HEXA: variants seen among roughly 807,000 people sequenced by gnomAD.
HEXA encodes the protein hexosaminidase subunit alpha.
Under a neutral mutation model 73.3 loss-of-function variants are expected in HEXA, and 54 were observed. The ratio of observed to expected loss-of-function variants is 0.74; its 90% confidence interval spans 0.59 to 0.92. The LOEUF is 0.92. HEXA is among the 40% of genes least tolerant of loss of function. The pLI is 0.00. For missense variants in HEXA, 649 were observed against 653.0 expected (o/e 0.99, Z 0.07); for synonymous variants, 230 against 246.9 (o/e 0.93, Z 0.64).
At chr15:72,364,818 ATTT>A (rs762688276) in intron 1 of HEXA, among the ~76,000 whole-genome samples, 2 of 133,108 alleles carry the variant, frequency 1.5e-5, no homozygotes, top group African/African-American at 2.8e-5. Flanking sequence ...TTTTAATTTA[ATTT>A]TTTTTTTTTT....
chr15:72,347,989 A>T, intron 9 of HEXA, 59 bp downstream of exon 9: 1 of 1,220,598 alleles, frequency 8.2e-7, no homozygotes. Flanking sequence ...CGGTATGGAA[A>T]GGGAGGACCC....
At chr15:72,348,926 G>A (rs1396867789) in intron 8 of HEXA, among the ~76,000 whole-genome samples, 153 bp downstream of exon 8, 5 of 152,298 alleles carry the variant, frequency 3.3e-5, no homozygotes, top group Admixed American at 6.5e-5. Context: ...GGATCTCTAC[G>A]TAGATGGGCA....
chr15:72,359,083 G>A (rs766293338), intron 1 of HEXA: 1 of 152,232 alleles, frequency 6.6e-6, no homozygotes, highest in African/African-American at 2.4e-5. Context: ...CAGGGCTTAG[G>A]AGGTAGCATG....
chr15:72,350,780 T>A, intron 6 of HEXA, 130 bp from the exon 7 acceptor site: 1 of 978,426 alleles, frequency 1.0e-6, no homozygotes, highest in Non-Finnish European at 1.6e-6. Context: ...TCAGGGACTA[T>A]CTTCAAAAAA....
chr15:72,375,214 G>A lies in HEXA; in HGVS notation c.253+506C>T, dbSNP rs2089045649. 2.6e-5 allele frequency among the ~76,000 whole-genome samples: 4 copies of A among 151,722 alleles called. No individual in the cohort carries two copies. In the South Asian group the frequency reaches 8.3e-4, roughly 32 times the overall value. On this transcript the variant is annotated intron_variant, in intron 1 of 13. Coordinates refer to ENST00000268097, the MANE Select transcript of HEXA (RefSeq NM_000520.6). Reference sequence around the variant, plus strand: ...ACCGATTCTCCTGCCTCAGCATCCCGAGTAGCTGGGACTACAGGCGCGCGC... The same window carrying A: ...ACCGATTCTCCTGCCTCAGCATCCCAAGTAGCTGGGACTACAGGCGCGCGC...
At chr15:72,345,691 C>T in intron 12 of HEXA, 141 bp from the exon 13 acceptor site, 2 of 1,437,194 alleles carry the variant, frequency 1.4e-6, no homozygotes, top group Non-Finnish European at 1.9e-6. Flanking sequence ...TTATGAGCCA[C>T]AGCCAGGTTG....
chr15:72,370,362 C>A (rs978362332), intron 1 of HEXA: 4 of 348,556 alleles, frequency 1.1e-5, no homozygotes, highest in African/African-American at 6.3e-5. Context: ...AGTTTAGCTT[C>A]TTGGACTCAG....
chr15:72,367,990 C>T (rs1196602695), intron 1 of HEXA, among the ~76,000 whole-genome samples: 2 of 152,000 alleles, frequency 1.3e-5, no homozygotes, highest in Non-Finnish European at 2.9e-5. Context: ...ATATCACACT[C>T]TGTCTGTATC....
intron 1 of HEXA, among the ~76,000 whole-genome samples, chr15:72,371,591 GAAAAAAAAA>G (rs11299619): frequency 1.6e-5 from 2 of 121,986 alleles, no homozygotes; most frequent in African/African-American, 3.8e-5. Flanking sequence ...GTCTCTAAAA[GAAAAAAAAA>G]AAAAAAAAAA....
chr15:72,360,690 A>T (rs1595806600), intron 1 of HEXA, among the ~76,000 whole-genome samples: 1 of 152,322 alleles, frequency 6.6e-6, no homozygotes, highest in African/African-American at 2.4e-5. Context: ...GAGGAAATGT[A>T]GCCTGGGCAG....
chr15:72,370,820 C>G (rs1184307710), intron 1 of HEXA: 1 of 391,634 alleles, frequency 2.6e-6, no homozygotes, highest in African/African-American at 2.1e-5. Context: ...ACTTATTTTG[C>G]CCTTCAACTA....
chr15:72,353,596 G>A, intron 4 of HEXA, 95 bp downstream of exon 4: 2 of 936,790 alleles, frequency 2.1e-6, no homozygotes, highest in South Asian at 1.3e-5. Context: ...AAGCCACCAG[G>A]ATCCTAAGGC....
At chr15:72,345,229 T>C in intron 13 of HEXA, 1 of 778,080 alleles carries the variant, frequency 1.3e-6, no homozygotes, top group Non-Finnish European at 2.0e-6. Context: ...GCTATGTAAA[T>C]AGTTGTTATA....
intron 3 of HEXA, chr15:72,355,352 C>T (rs1443706760): frequency 1.0e-5 from 6 of 595,312 alleles, no homozygotes; most frequent in African/African-American, 3.7e-5. Context: ...ATGGTGAAAT[C>T]CCATCTCTAC....
intron 11 of HEXA, 76 bp downstream of exon 11, chr15:72,346,451 C>A (rs995463313): frequency 6.5e-7 from 1 of 1,540,980 alleles, no homozygotes; most frequent in Non-Finnish European, 9.0e-7. Flanking sequence ...AAATGTCTGG[C>A]CCAGACCTTC....
intron 5 of HEXA, chr15:72,351,921 G>A (rs1240091760): frequency 1.4e-5 from 2 of 144,978 alleles, no homozygotes; most frequent in Non-Finnish European, 2.9e-5. Flanking sequence ...AGGTTCAAGT[G>A]CTTCTCATGC....
intron 1 of HEXA, among the ~76,000 whole-genome samples, chr15:72,363,932 T>C (rs1475276995): frequency 6.6e-6 from 1 of 152,176 alleles, no homozygotes; most frequent in African/African-American, 2.4e-5. Flanking sequence ...AATTTTTTTG[T>C]AAATACATAA....
chr15:72,375,612 T>C, intron 1 of HEXA, 108 bp downstream of exon 1: 1 of 1,269,622 alleles, frequency 7.9e-7, no homozygotes, highest in Non-Finnish European at 1.1e-6. Context: ...GTGCCTGTGA[T>C]CAGAGGGCTG....
chr15:72,347,472 A>G (rs1411048764), intron 10 of HEXA, among the ~76,000 whole-genome samples: 1 of 151,712 alleles, frequency 6.6e-6, no homozygotes, highest in African/African-American at 2.4e-5. Context: ...GGCTCAAGCA[A>G]TCCCCCTGCC....
Sources: gnomAD v4.1 joint callset for allele counts (sites outside exome capture counted in the v4.1 genomes callset) on GRCh38, gnomAD v4.1.1 for gene constraint, MANE v1.5 for transcripts, NCBI Gene and HGNC (gene_info 2026-07-23, HGNC 2026-07-21) for gene names.